Variants in CDH23 observed in about 807,000 individuals in gnomAD.
CDH23 encodes cadherin related 23, also known as cadherin-23.
Under a neutral mutation model 317.1 loss-of-function variants are expected in CDH23, and 189 were observed. The ratio of observed to expected loss-of-function variants is 0.60; its 90% CI spans 0.53 to 0.67. The LOEUF (loss-of-function observed/expected upper bound fraction) is 0.67, where lower values mean the gene tolerates loss of function less well. Ranked by LOEUF, CDH23 falls within the 30% of genes least tolerant of loss-of-function variation. The pLI is 0.00. For synonymous variants in CDH23, 1,839 were observed against 1,876.8 expected, an observed-to-expected ratio of 0.98 and a Z score of 0.52; for missense variants, 4,401 against 4,592.4, an observed-to-expected ratio of 0.96 and a Z score of 1.20.
chr10:71,812,086 A>G, intron 66 of CDH23, 71 bp downstream of exon 66: 10 of 1,611,836 alleles, frequency 6.2e-6, no homozygotes, highest in Non-Finnish European at 8.5e-6. Flanking sequence ...GGAGAGCTGC[A>G]GTCTCCCAGC....
At chr10:71,761,380 A>G (rs959924056) in intron 38 of CDH23, among the ~76,000 whole-genome samples, 1 of 151,988 alleles carries the variant, frequency 6.6e-6, no homozygotes, top group Non-Finnish European at 1.5e-5. Flanking sequence ...CACTGTCACA[A>G]ATGGAGCCAG....
chr10:71,588,223 C>G (rs1191145967), intron 9 of CDH23, among the ~76,000 whole-genome samples: 1 of 152,172 alleles, frequency 6.6e-6, no homozygotes, highest in Non-Finnish European at 1.5e-5. Context: ...ACCTACGTTT[C>G]TATCAGCGTG....
intron 11 of CDH23, among the ~76,000 whole-genome samples, chr10:71,638,681 G>A (rs143764672): frequency 2.0e-5 from 3 of 152,356 alleles, no homozygotes; most frequent in African/African-American, 7.2e-5. Flanking sequence ...TCCCAAGGGA[G>A]TATTTAACGA....
At chr10:71,633,586 C>T (rs898237130) in intron 11 of CDH23, among the ~76,000 whole-genome samples, 4 of 152,182 alleles carry the variant, frequency 2.6e-5, no homozygotes, top group African/African-American at 9.7e-5. Context: ...TTCCTTAAGA[C>T]ATTTGTGATG....
intron 28 of CDH23, chr10:71,713,326 T>C (rs748170142): frequency 1.0e-5 from 8 of 777,376 alleles, no homozygotes; most frequent in South Asian, 4.0e-5. Flanking sequence ...TGAAAACAAT[T>C]TGGGTGTGCA....
chr10:71,812,158 C>A lies in CDH23; in HGVS notation c.9380+143C>A, dbSNP rs1372638128. On this transcript the variant is annotated intron_variant, in intron 66 of 69. Coordinates refer to ENST00000224721, the MANE Select transcript of CDH23 (RefSeq NM_022124.6). ...TGGTGGGCGGGCCACCCTCCCTTCA[C>A]CCTCCCTCCACCCTCAGAAACCACG... is the stretch of plus-strand genomic sequence containing the variant. 5.0e-6 allele frequency: 8 copies of A among 1,588,652 alleles called. No homozygotes were observed. The East Asian group carries it at 1.6e-4, about 32-fold the overall frequency.
At chr10:71,670,555 G>T (rs1231759907) in intron 14 of CDH23, among the ~76,000 whole-genome samples, 1 of 152,142 alleles carries the variant, frequency 6.6e-6, no homozygotes. Flanking sequence ...GGATGGGCCT[G>T]GGGGGTGGAT....
intron 11 of CDH23, among the ~76,000 whole-genome samples, chr10:71,618,435 C>A (rs919288433): frequency 6.6e-6 from 1 of 152,090 alleles, no homozygotes; most frequent in Admixed American, 6.6e-5. Context: ...CTCAGCCTGC[C>A]TCCTCCCCTG....
chr10:71,812,409 G>C (rs749666553), intron 66 of CDH23, 71 bp from the exon 67 acceptor site: 1 of 1,608,814 alleles, frequency 6.2e-7, no homozygotes, highest in South Asian at 1.1e-5. Context: ...AGGATGTGGG[G>C]TGAGGCTGGA....
chr10:71,452,679 T>C (rs1430562757), intron 3 of CDH23, among the ~76,000 whole-genome samples: 3 of 152,182 alleles, frequency 2.0e-5, no homozygotes, highest in Admixed American at 2.0e-4. Context: ...AACTCCCCAT[T>C]GGTCTATTAA....
At chr10:71,657,541 T>A (rs942647568) in intron 14 of CDH23, among the ~76,000 whole-genome samples, 1 of 152,146 alleles carries the variant, frequency 6.6e-6, no homozygotes, top group Non-Finnish European at 1.5e-5. Context: ...GCCTGGGAGA[T>A]GATAACAGGG....
In CDH23 at chr10:71,422,498, A is replaced by G. The variant is rs550120688; in HGVS notation, c.-5-17329A>G. ...CAGTAGGCTCACTCAGCACATGCCA[A>G]TATCCTTCCCTTCTGCCTTTCTGGG... is the stretch of plus-strand genomic sequence containing the variant. On this transcript the variant is annotated intron_variant, in intron 1 of 69. Coordinates refer to ENST00000224721, the MANE Select transcript of CDH23 (RefSeq NM_022124.6). Among the ~76,000 whole-genome samples, 60 of 152,326 alleles carry G rather than the reference A, an allele frequency of 3.9e-4. 1 individual carries two copies. In the South Asian group the frequency reaches 0.012, roughly 32 times the overall value.
intron 1 of CDH23, among the ~76,000 whole-genome samples, chr10:71,420,588 G>T (rs1848766326): frequency 6.7e-6 from 1 of 149,468 alleles, no homozygotes; most frequent in Admixed American, 6.7e-5. Flanking sequence ...TGATGGTGAT[G>T]ATGGTGATGG....
In CDH23 at chr10:71,732,607, C is replaced by T. The variant is rs1480419056; in HGVS notation, c.4104+232C>T. 4.3e-6 allele frequency: 6 copies of T among 1,390,058 alleles called. No homozygotes were observed. In the South Asian group the frequency reaches 4.8e-5, roughly 11 times the overall value. The allele number at this position is 1,390,058 out of a possible 1,614,324, so 86.1% of individuals were successfully genotyped here. A position where few individuals can be genotyped will look rare whatever the true frequency, so the allele number is the denominator to read the frequency against. On this transcript the variant is annotated intron_variant, in intron 32 of 69. Coordinates refer to ENST00000224721, the MANE Select transcript of CDH23 (RefSeq NM_022124.6). ...GCGTTTGCACCACTGCACTCCAGCC[C>T]GGGCAACAGAGTGAGACCTTGTCTC...
At chr10:71,583,958 G>GAGCAGC (rs1411571734) in intron 9 of CDH23, among the ~76,000 whole-genome samples, 65 of 139,136 alleles carry the variant, frequency 4.7e-4, no homozygotes, top group Admixed American at 4.6e-3. Context: ...GTGCTCCCCA[G>GAGCAGC]AGCAGCAGCA....
intron 1 of CDH23, among the ~76,000 whole-genome samples, chr10:71,411,985 A>T (rs1848363884): frequency 6.6e-6 from 1 of 152,162 alleles, no homozygotes. Flanking sequence ...CCATCTGCCC[A>T]TGTAACCTTG....
chr10:71,414,961 G>A (rs538078819), intron 1 of CDH23, among the ~76,000 whole-genome samples: 8 of 152,164 alleles, frequency 5.3e-5, no homozygotes, highest in East Asian at 3.9e-4. Context: ...CATTTTATGC[G>A]TAATTCCAAA....
At chr10:71,600,243 C>T (rs1224985002) in intron 9 of CDH23, among the ~76,000 whole-genome samples, 1 of 152,042 alleles carries the variant, frequency 6.6e-6, no homozygotes, top group African/African-American at 2.4e-5. Context: ...CTCAGTTGAT[C>T]CACCTGCCTT....
At chr10:71,613,307 C>T (rs1189199151) in intron 9 of CDH23, among the ~76,000 whole-genome samples, 3 of 152,244 alleles carry the variant, frequency 2.0e-5, no homozygotes, top group Non-Finnish European at 4.4e-5. Flanking sequence ...CAACTCCCCA[C>T]TATGCAAACG....
Sources: gnomAD v4.1 joint callset for allele counts (sites outside exome capture counted in the v4.1 genomes callset) on GRCh38, gnomAD v4.1.1 for gene constraint, MANE v1.5 for transcripts, NCBI Gene and HGNC (gene_info 2026-07-23, HGNC 2026-07-21) for gene names.